PRAC1: variants seen among roughly 807,000 people sequenced by gnomAD.
The protein encoded by PRAC1 is PRAC1 small nuclear protein.
In PRAC1, 4 loss-of-function variants were observed where a neutral mutation model predicts 3.1. The ratio of observed to expected loss-of-function variants is 1.28; its 90% CI spans 0.63 to 2.93. The LOEUF (loss-of-function observed/expected upper bound fraction) is 2.93, where lower values mean the gene tolerates loss of function less well. PRAC1 is among the 30% of genes most tolerant of loss of function. PRAC1 has a pLI of 0.01. For missense variants in PRAC1, 72 were observed against 66.8 expected, an observed-to-expected ratio of 1.08 and a Z score of -0.27; for synonymous variants, 32 against 27.0, an observed-to-expected ratio of 1.18 and a Z score of -0.57.
Position 48,722,307 on chromosome 17 carries a change from G to C in PRAC1, c.75+11C>G. ...CCGTCGATAACGCCCTTGGCCCACC[G>C]ATCAGTTTACCTTATTAGAGAGAAA... On this transcript the variant is annotated intron_variant, in intron 1 of 1. Coordinates refer to ENST00000290294, the MANE Select transcript of PRAC1 (RefSeq NM_032391.3). 1.2e-6 allele frequency: 2 copies of C among 1,610,062 alleles called. No individual in the cohort carries two copies. Among genetic ancestry groups the C allele is most frequent in the South Asian group, 1.1e-5 (1 of 90,960 alleles).
At chr17:48,722,031 G>A in intron 1 of PRAC1, 132 bp from the exon 2 acceptor site, 2 of 1,050,656 alleles carry the variant, frequency 1.9e-6, no homozygotes, top group South Asian at 1.8e-5. Flanking sequence ...GCGGGTGCTA[G>A]TTCCCACTCC....
In PRAC1 at chr17:48,721,821, G is replaced by A. The variant is rs1232703813; in HGVS notation, c.154C>T (p.Arg52Ter). The A allele has an allele frequency of 9.1e-6, 14 of 1,541,106 alleles. No individual in the cohort carries two copies. Among genetic ancestry groups the A allele is most frequent in the Middle Eastern group, 1.8e-4 (1 of 5,650 alleles). The change falls in exon 2 of 2, where the codon CGA (arginine) becomes TGA (stop). Residue 52 changes from arginine to a stop codon, truncating the protein, a stop_gained. Transcript: ENST00000290294. LOFTEE classifies it high-confidence loss of function. The part of the protein sequence containing the change: ...SACNSGISGG[R>*]GRKIP ...TGTGCTCAAGGAATCTTCCTGCCTC[G>A]GCCTCCCGAAATTCCAGAATTACAG...
In PRAC1 at chr17:48,722,458, C is replaced by T. The variant is rs554097506; in HGVS notation, c.-66G>A. ...GCCTGACCTTGCAAGCAAGCATCGG[C>T]CTAAAGGTTTCAGCCTCCCAGTGGC... is the stretch of plus-strand genomic sequence containing the variant. On this transcript the variant is annotated 5_prime_UTR_variant, in exon 1 of 2. Coordinates refer to ENST00000290294, the MANE Select transcript of PRAC1 (RefSeq NM_032391.3). 1.4e-6 allele frequency: 2 copies of T among 1,428,690 alleles called. No homozygotes were observed. Among genetic ancestry groups the T allele is most frequent in the Non-Finnish European group, 2.0e-6 (2 of 1,011,590 alleles). The allele number at this position is 1,428,690 out of a possible 1,614,324, so 88.5% of individuals were successfully genotyped here.
rs1183191705 is a variant in PRAC1 at position 48,722,327 on chromosome 17, G to A, written c.66C>T (p.Leu22=). ...AHLTTSKSAF[L]SNKKTSTLKH... is the part of the protein sequence containing the mutation. ...CCACCGATCAGTTTACCTTATTAGA[G>A]AGAAAAGCACTCTTGGAGGTAGTAA... Residue 22 remains leucine, a synonymous_variant, in exon 1 of 2, where the codon CTC becomes CTT. Coordinates refer to ENST00000290294, the MANE Select transcript of PRAC1 (RefSeq NM_032391.3). The A allele has an allele frequency of 3.1e-6, 5 of 1,613,718 alleles. No homozygotes were observed. The African/African-American group carries it at 5.3e-5, about 17-fold the overall frequency.
At chr17:48,722,032 T>C in intron 1 of PRAC1, 133 bp from the exon 2 acceptor site, 1 of 1,039,206 alleles carries the variant, frequency 9.6e-7, no homozygotes, top group Non-Finnish European at 1.4e-6. Flanking sequence ...CGGGTGCTAG[T>C]TCCCACTCCC....
At chr17:48,722,157 G>A (rs950046879) in intron 1 of PRAC1, among the ~76,000 whole-genome samples, 161 bp downstream of exon 1, 1 of 152,064 alleles carries the variant, frequency 6.6e-6, no homozygotes, top group Admixed American at 6.5e-5. Context: ...AGGTGCTCCC[G>A]CCAGGTGGTA....
At chr17:48,722,283 C>G in intron 1 of PRAC1, 35 bp downstream of exon 1, 1 of 1,559,056 alleles carries the variant, frequency 6.4e-7, no homozygotes, top group South Asian at 1.1e-5. Flanking sequence ...CTGAGCGATC[C>G]GTCGATAACG....
rs957972326 is a variant in PRAC1 at position 48,721,741 on chromosome 17, A to T, written c.*60T>A. ...CAGTTTCCTTTTTTAAAAAAATTTT[A>T]TTGTATAAATAGAGACAGCGTCTTG... On this transcript the variant is annotated 3_prime_UTR_variant, in exon 2 of 2. Coordinates refer to ENST00000290294, the MANE Select transcript of PRAC1 (RefSeq NM_032391.3). The T allele has an allele frequency of 7.3e-7, 1 of 1,365,216 alleles. No individual in the cohort carries two copies. The highest frequency in any genetic ancestry group is 1.9e-5 in the South Asian group (1 of 52,792). The allele number at this position is 1,365,216 out of a possible 1,614,324, so 84.6% of individuals were successfully genotyped here. A position where few individuals can be genotyped will look rare whatever the true frequency, so the allele number is the denominator to read the frequency against.
rs1032084263 is a variant in PRAC1 at position 48,721,737 on chromosome 17, T to A, written c.*64A>T. ...CACCCAGTTTCCTTTTTTAAAAAAA[T>A]TTTATTGTATAAATAGAGACAGCGT... On this transcript the variant is annotated 3_prime_UTR_variant, in exon 2 of 2. Coordinates refer to ENST00000290294, the MANE Select transcript of PRAC1 (RefSeq NM_032391.3). The A allele has an allele frequency of 1.1e-5, 15 of 1,360,442 alleles. No individual in the cohort carries two copies. Among genetic ancestry groups the A allele is most frequent in the South Asian group, 9.6e-5 (5 of 51,932 alleles). 84.3% of individuals were successfully genotyped at this position (1,360,442 alleles called of 1,614,324 possible). A position where few individuals can be genotyped will look rare whatever the true frequency, so the allele number is the denominator to read the frequency against.
chr17:48,721,998 TAA>T (rs2038149809), intron 1 of PRAC1, 99 bp from the exon 2 acceptor site: 1 of 1,297,454 alleles, frequency 7.7e-7, no homozygotes, highest in African/African-American at 1.5e-5. Context: ...AGACAAACAT[TAA>T]GTCTTATGGC....
At position 48,721,723 on chromosome 17, in the gene PRAC1, CT is replaced by C. The variant is rs540313015; in HGVS notation, c.*77del. On this transcript the variant is annotated 3_prime_UTR_variant, in exon 2 of 2. Transcript: ENST00000290294. ...TCACAGTTAACTTTCACCCAGTTTC[CT>C]TTTTTAAAAAAATTTTATTGTATAA... is the stretch of plus-strand genomic sequence containing the variant. 3.1e-4 allele frequency: 412 copies of C among 1,326,352 alleles called. 1 individual carries two copies. The African/African-American group carries it at 5.7e-3, about 18-fold the overall frequency. 82.2% of individuals were successfully genotyped at this position (1,326,352 alleles called of 1,614,324 possible).
intron 1 of PRAC1, 129 bp downstream of exon 1, chr17:48,722,189 C>G: frequency 1.2e-6 from 1 of 809,428 alleles, no homozygotes; most frequent in Non-Finnish European, 2.0e-6. Flanking sequence ...CTGCTGCTCA[C>G]CCTTCCCTTG....
Position 48,722,383 on chromosome 17 carries a change from C to A in PRAC1, c.10G>T (p.Ala4Ser). 2.5e-6 allele frequency: 4 copies of A among 1,614,124 alleles called. No homozygotes were observed. The Admixed American group carries it at 5.0e-5, about 20-fold the overall frequency. Residue 4 changes from alanine (A) to serine (S), a missense_variant, in exon 1 of 2, where the codon GCC becomes TCC. Ala to Ser is a moderately conservative substitution (Grantham distance 99). Coordinates refer to ENST00000290294, the MANE Select transcript of PRAC1 (RefSeq NM_032391.3). ...GCCGGTCCTTGATCTGAGAAATGGG[C>A]GCACAACATCGCTGTTCTCTCTGCA... MLC[A>S]HFSDQGPAHL...
Position 48,722,333 on chromosome 17 carries a change from A to G in PRAC1, c.60T>C (p.Ala20=), listed in dbSNP as rs1411376597. ...GPAHLTTSKS[A]FLSNKKTSTL... is the part of the protein sequence containing the mutation. ...ATCAGTTTACCTTATTAGAGAGAAA[A>G]GCACTCTTGGAGGTAGTAAGATGGG... Residue 20 remains alanine, a synonymous_variant, in exon 1 of 2, where the codon GCT becomes GCC. Coordinates refer to ENST00000290294, the MANE Select transcript of PRAC1 (RefSeq NM_032391.3). 6.2e-7 allele frequency: 1 copy of G among 1,613,946 alleles called. No homozygotes were observed. The highest frequency in any genetic ancestry group is 8.5e-7 in the Non-Finnish European group (1 of 1,179,818).
In PRAC1 at chr17:48,721,873, CAGT is replaced by C. The variant is rs1387647369; in HGVS notation, c.99_101del (p.Leu34del). ...CTGAGCCATCACTCCTGGTCTCGCC[CAGT>C]AGATGTTTCAAAGTAGATGTTTTCT... On this transcript the variant is annotated inframe_deletion, in exon 2 of 2. Transcript: ENST00000290294. The C allele has an allele frequency of 1.6e-5, 25 of 1,533,880 alleles. No homozygotes were observed. The highest frequency in any genetic ancestry group is 2.0e-5 in the Non-Finnish European group (23 of 1,138,964).
Position 48,722,382 on chromosome 17 carries a change from G to A in PRAC1, c.11C>T (p.Ala4Val), listed in dbSNP as rs34734055. 1.2e-3 allele frequency: 1,920 copies of A among 1,614,126 alleles called. 23 individuals are homozygous for A. In the African/African-American group the frequency reaches 0.022, roughly 19 times the overall value. The stretch of plus-strand genomic sequence containing the variant: ...GGCCGGTCCTTGATCTGAGAAATGG[G>A]CGCACAACATCGCTGTTCTCTCTGC... MLC[A>V]HFSDQGPAHL... The change falls in exon 1 of 2, where the codon GCC becomes GTC. Residue 4 changes from alanine to valine, a missense_variant. By Grantham distance (64) the Ala-to-Val change is moderately conservative. Coordinates refer to ENST00000290294, the MANE Select transcript of PRAC1 (RefSeq NM_032391.3).
rs1734458491 is a variant in PRAC1, at chr17:48,721,810, C to T, written c.165G>A (p.Lys55=). The change falls in exon 2 of 2, where the codon AAG becomes AAA. Residue 55 remains lysine (K), a synonymous_variant. Transcript: ENST00000290294. ...TCTGGAACTCCTGTGCTCAAGGAAT[C>T]TTCCTGCCTCGGCCTCCCGAAATTC... ...NSGISGGRGR[K]IP is the part of the protein sequence containing the mutation. 4 of 1,541,536 alleles carry T rather than the reference C, an allele frequency of 2.6e-6. No individual in the cohort carries two copies. Among genetic ancestry groups the T allele is most frequent in the Non-Finnish European group, 3.5e-6 (4 of 1,141,232 alleles).
Position 48,722,274 on chromosome 17 carries a change from T to G in PRAC1, c.75+44A>C, listed in dbSNP as rs757521578. 7.3e-5 allele frequency: 112 copies of G among 1,524,526 alleles called. 1 individual carries two copies. In the East Asian group the frequency reaches 1.5e-3, roughly 21 times the overall value. 94.4% of individuals were successfully genotyped at this position (1,524,526 alleles called of 1,614,324 possible). A position where few individuals can be genotyped will look rare whatever the true frequency, so the allele number is the denominator to read the frequency against. On this transcript the variant is annotated intron_variant, in intron 1 of 1. Transcript: ENST00000290294. The stretch of plus-strand genomic sequence containing the variant: ...GGGCCTCCTGATGCAGCTACCATAC[T>G]GAGCGATCCGTCGATAACGCCCTTG...
In PRAC1 at chr17:48,721,879, A is replaced by G. The variant is rs2038148691; in HGVS notation, c.96T>C (p.His32=). Residue 32 remains histidine (H), a synonymous_variant, in exon 2 of 2, where the codon CAT becomes CAC. Coordinates refer to ENST00000290294, the MANE Select transcript of PRAC1 (RefSeq NM_032391.3). ...LSNKKTSTLK[H]LLGETRSDGS... ...CATCACTCCTGGTCTCGCCCAGTAG[A>G]TGTTTCAAAGTAGATGTTTTCTAAA... The G allele has an allele frequency of 1.3e-6, 2 of 1,531,686 alleles. No individual in the cohort carries two copies. The highest frequency in any genetic ancestry group is 1.8e-6 in the Non-Finnish European group (2 of 1,138,164). 94.9% of individuals were successfully genotyped at this position (1,531,686 alleles called of 1,614,324 possible).
Sources: gnomAD v4.1 joint callset for allele counts (sites outside exome capture counted in the v4.1 genomes callset) on GRCh38, gnomAD v4.1.1 for gene constraint, MANE v1.5 for transcripts, NCBI Gene and HGNC (gene_info 2026-07-23, HGNC 2026-07-21) for gene names.